Variants in PTPRM observed in about 807,000 individuals in gnomAD.
The protein encoded by PTPRM is protein tyrosine phosphatase receptor type M.
PTPRM carries 47 observed loss-of-function variants against 186.7 expected under a neutral mutation model. The observed-to-expected ratio is 0.25, with a 90% confidence interval of 0.20 to 0.32. The LOEUF (loss-of-function observed/expected upper bound fraction) is 0.32. PTPRM is among the 10% of genes least tolerant of loss of function. The pLI is 1.00. For missense variants in PTPRM, 1,494 were observed against 1,865.0 expected (o/e 0.80, Z 3.66); for synonymous variants, 668 against 674.9 (o/e 0.99, Z 0.16).
intron 14 of PTPRM, among the ~76,000 whole-genome samples, chr18:8,176,001 G>A (rs1367718223): frequency 6.6e-6 from 1 of 152,144 alleles, no homozygotes; most frequent in East Asian, 1.9e-4. Context: ...GGTTCAGAAA[G>A]CAGCATTTTA....
intron 14 of PTPRM, among the ~76,000 whole-genome samples, chr18:8,164,758 G>A (rs889060335): frequency 6.6e-6 from 1 of 152,196 alleles, no homozygotes; most frequent in Non-Finnish European, 1.5e-5. Context: ...TGAAAAATTA[G>A]CGAGACAGAC....
In PTPRM at chr18:7,928,740, T is replaced by G. The variant is rs567119499; in HGVS notation, c.663+2057T>G. ...AGTCTAAGCTCTCGCCTTAACAGAG[T>G]CATCTTAGATATTCCCAAGAATTTA... On this transcript the variant is annotated intron_variant, in intron 5 of 32. Coordinates refer to ENST00000580170, the MANE Select transcript of PTPRM (RefSeq NM_001105244.2). Among the ~76,000 whole-genome samples, 41 of 152,234 alleles carry G rather than the reference T, an allele frequency of 2.7e-4. 1 individual carries two copies. The highest frequency in any genetic ancestry group is 4.9e-4 in the Non-Finnish European group (33 of 68,010).
intron 1 of PTPRM, among the ~76,000 whole-genome samples, chr18:7,622,976 A>G (rs1258428948): frequency 6.6e-6 from 1 of 152,112 alleles, no homozygotes; most frequent in Non-Finnish European, 1.5e-5. Flanking sequence ...AAGAAGAAAA[A>G]TCATTTTCTA....
intron 14 of PTPRM, among the ~76,000 whole-genome samples, chr18:8,150,230 C>G (rs1422937850): frequency 2.0e-5 from 3 of 152,248 alleles, no homozygotes; most frequent in Middle Eastern, 3.4e-3. Context: ...ATAATATCCT[C>G]AAGAGTGTTT....
At chr18:7,722,384 CTAGA>C (rs2040463459) in intron 1 of PTPRM, among the ~76,000 whole-genome samples, 1 of 151,926 alleles carries the variant, frequency 6.6e-6, no homozygotes, top group South Asian at 2.1e-4. Context: ...GTTGGAACAC[CTAGA>C]TAATCATTTG....
At chr18:8,030,275 A>G (rs1431670624) in intron 7 of PTPRM, among the ~76,000 whole-genome samples, 1 of 152,218 alleles carries the variant, frequency 6.6e-6, no homozygotes, top group African/African-American at 2.4e-5. Flanking sequence ...TAATTTTCCC[A>G]GCAGCACTGA....
rs568250340 is a variant in PTPRM at position 8,209,907 on chromosome 18, G to A, written c.2301-34151G>A. On this transcript the variant is annotated intron_variant, in intron 14 of 32. Transcript: ENST00000580170. ...AAACCTAGATGATGGGTTGATAGGTGCAGCAAACCACCATGGCACAGGTAT... is the reference window on the plus strand; with the variant it reads ...AAACCTAGATGATGGGTTGATAGGTACAGCAAACCACCATGGCACAGGTAT... Among the ~76,000 whole-genome samples the A allele has an allele frequency of 1.6e-3, 242 of 148,060 alleles. 2 individuals are homozygous for A. Among genetic ancestry groups the A allele is most frequent in the African/African-American group, 5.6e-3 (225 of 40,250 alleles).
intron 7 of PTPRM, among the ~76,000 whole-genome samples, chr18:8,009,173 A>G (rs1204998822): frequency 1.3e-5 from 2 of 152,170 alleles, no homozygotes; most frequent in Non-Finnish European, 2.9e-5. Context: ...GCTGGGTGAG[A>G]ATTAACAGTG....
intron 13 of PTPRM, among the ~76,000 whole-genome samples, chr18:8,132,956 T>G (rs969370913): frequency 1.3e-5 from 2 of 152,188 alleles, no homozygotes; most frequent in Non-Finnish European, 2.9e-5. Flanking sequence ...TCAGGTCATT[T>G]ATAAACAATA....
rs539296855 is a variant in PTPRM at position 7,668,833 on chromosome 18, T to C, written c.73+100942T>C. Among the ~76,000 whole-genome samples, 5 of 152,296 alleles carry C rather than the reference T, an allele frequency of 3.3e-5. No homozygotes were observed. The South Asian group carries it at 1.0e-3, about 32-fold the overall frequency. On this transcript the variant is annotated intron_variant, in intron 1 of 32. Coordinates refer to ENST00000580170, the MANE Select transcript of PTPRM (RefSeq NM_001105244.2). This position sits in a 1 kb window ranked among gnomAD's most constrained non-coding sequence, Gnocchi z 4.7. ...CTGAGCTGTTTTTATTTCTGCTTAG[T>C]CACCACCTTCTAGAATACTATATAA...
intron 1 of PTPRM, among the ~76,000 whole-genome samples, chr18:7,716,272 A>G (rs1217748830): frequency 6.6e-6 from 1 of 152,204 alleles, no homozygotes; most frequent in South Asian, 2.1e-4. Context: ...AAGATTCCCT[A>G]TTTAATAAAT....
chr18:8,151,859 T>A lies in PTPRM; in HGVS notation c.2300+8080T>A, dbSNP rs183370803. On this transcript the variant is annotated intron_variant, in intron 14 of 32. Transcript: ENST00000580170. ...GAAAAGCGCAGTATCTGAGCTGGAG[T>A]GCAGGGTTCCTCAGGCTCAGTCCCT... is the stretch of plus-strand genomic sequence containing the variant. 5.6e-4 allele frequency among the ~76,000 whole-genome samples: 85 copies of A among 151,986 alleles called. 1 individual carries two copies. Among genetic ancestry groups the A allele is most frequent in the African/African-American group, 2.0e-3 (83 of 41,450 alleles).
chr18:7,949,171 C>T lies in PTPRM; in HGVS notation c.664-10C>T. ...GCTTCTTTTTGTCCTCCCCACCCCA[C>T]TTGATACAGGGCATTGATGTGCGAG... On this transcript the variant is annotated splice_polypyrimidine_tract_variant and intron_variant, in intron 5 of 32. Coordinates refer to ENST00000580170, the MANE Select transcript of PTPRM (RefSeq NM_001105244.2). 6.3e-7 allele frequency: 1 copy of T among 1,588,758 alleles called. No individual in the cohort carries two copies. The highest frequency in any genetic ancestry group is 8.6e-7 in the Non-Finnish European group (1 of 1,159,096).
At chr18:7,906,627 G>C (rs764030336) in intron 4 of PTPRM, 44 bp downstream of exon 4, 1 of 1,423,774 alleles carries the variant, frequency 7.0e-7, no homozygotes, top group Non-Finnish European at 9.9e-7. Flanking sequence ...ATCATTGGGG[G>C]CATGTTTACA....
intron 7 of PTPRM, among the ~76,000 whole-genome samples, chr18:7,993,698 A>G (rs934223517): frequency 6.6e-5 from 10 of 152,270 alleles, no homozygotes; most frequent in Non-Finnish European, 7.4e-5. Flanking sequence ...ATTTGTCACC[A>G]CTAGACTGAC....
chr18:8,106,201 C>G (rs2091509871), intron 11 of PTPRM, among the ~76,000 whole-genome samples: 1 of 152,154 alleles, frequency 6.6e-6, no homozygotes, highest in Admixed American at 6.5e-5. Context: ...CCTGCTGGGA[C>G]CTGGGCAGTA....
intron 14 of PTPRM, among the ~76,000 whole-genome samples, chr18:8,176,625 A>G (rs1464441592): frequency 6.6e-6 from 1 of 152,228 alleles, no homozygotes; most frequent in Non-Finnish European, 1.5e-5. Context: ...ATGGCAATTT[A>G]TGATGTATTT....
At chr18:7,686,209 G>A (rs937884319) in intron 1 of PTPRM, among the ~76,000 whole-genome samples, 3 of 152,112 alleles carry the variant, frequency 2.0e-5, no homozygotes, top group Admixed American at 6.5e-5. Context: ...CTGATGGAGG[G>A]ATAAATCCAT....
At chr18:8,361,762 A>G (rs1216000471) in intron 23 of PTPRM, among the ~76,000 whole-genome samples, 1 of 152,238 alleles carries the variant, frequency 6.6e-6, no homozygotes, top group Non-Finnish European at 1.5e-5. Flanking sequence ...TCACAGAGCT[A>G]GATTGGAACA....
Sources: allele counts gnomAD v4.1 joint callset (sites outside exome capture counted in the v4.1 genomes callset), GRCh38; gene constraint gnomAD v4.1.1; non-coding constraint Gnocchi (gnomAD v3.1); transcripts MANE v1.5; gene names NCBI Gene and HGNC (gene_info 2026-07-23, HGNC 2026-07-21).